Variants in SCARB1 observed in about 807,000 individuals in gnomAD.
The protein encoded by SCARB1 is scavenger receptor class B member 1.
A neutral mutation model predicts 57.2 loss-of-function variants in SCARB1; 30 were observed. The ratio of observed to expected loss-of-function variants is 0.52; its 90% CI spans 0.39 to 0.71. The LOEUF (loss-of-function observed/expected upper bound fraction) is 0.71. Among genes scored for constraint, SCARB1 ranks in the 30% least tolerant of loss-of-function variants. SCARB1 has a pLI of 0.00. For missense variants in SCARB1, 543 were observed against 671.2 expected (o/e 0.81, Z 2.11); for synonymous variants, 249 against 268.3 (o/e 0.93, Z 0.70).
chr12:124,825,530 G>C (rs1333246048), intron 1 of SCARB1, among the ~76,000 whole-genome samples: 1 of 151,916 alleles, frequency 6.6e-6, no homozygotes, highest in African/African-American at 2.4e-5. Context: ...AATTACCCAA[G>C]CACGGTGACA....
rs933118092 is a variant in SCARB1 at position 124,822,974 on chromosome 12, T to A, written c.127-5267A>T. 5.3e-5 allele frequency among the ~76,000 whole-genome samples: 8 copies of A among 152,134 alleles called. No homozygotes were observed. Among genetic ancestry groups the A allele is most frequent in the African/African-American group, 7.2e-5 (3 of 41,428 alleles). On this transcript the variant is annotated intron_variant, in intron 1 of 12. Coordinates refer to ENST00000261693, the MANE Select transcript of SCARB1 (RefSeq NM_005505.5). The surrounding 1 kb of genome is among the most constrained non-coding windows in gnomAD (Gnocchi z 5.0). ...CCAGAATATTTTAAGTAAAAAAAAA[T>A]TTAAAAATGAATACTATTACTACCT...
rs1950611291 is a variant in SCARB1 at position 124,814,145 on chromosome 12, T to C, written c.630+57A>G. 2 of 1,508,266 alleles carry C rather than the reference T, an allele frequency of 1.3e-6. No homozygotes were observed. The highest frequency in any genetic ancestry group is 1.8e-4 in the Middle Eastern group (1 of 5,474). 93.4% of individuals were successfully genotyped at this position (1,508,266 alleles called of 1,614,324 possible). A position where few individuals can be genotyped will look rare whatever the true frequency, so the allele number is the denominator to read the frequency against. ...GCTGGTGACCAGTGTCCAGGCTGTG[T>C]GAGGGGAAGACAGGACACAGGCCTG... On this transcript the variant is annotated intron_variant, in intron 4 of 12. Transcript: ENST00000261693. This position sits in a 1 kb window ranked among gnomAD's most constrained non-coding sequence, Gnocchi z 4.7.
chr12:124,830,888 C>T (rs1260283175), intron 1 of SCARB1, among the ~76,000 whole-genome samples: 1 of 150,560 alleles, frequency 6.6e-6, no homozygotes, highest in African/African-American at 2.4e-5. Flanking sequence ...TCTCAGCTCA[C>T]TGCAACCTCC....
At chr12:124,813,692 G>A (rs186742142) in intron 4 of SCARB1, among the ~76,000 whole-genome samples, 23 of 152,194 alleles carry the variant, frequency 1.5e-4, no homozygotes, top group Admixed American at 9.2e-4. Context: ...GCAGCACCAC[G>A]ATATCCCCCC....
chr12:124,832,940 T>C (rs934425652), intron 1 of SCARB1, among the ~76,000 whole-genome samples: 1 of 152,136 alleles, frequency 6.6e-6, no homozygotes, highest in Admixed American at 6.5e-5. Flanking sequence ...GGACTGCCCC[T>C]GAGATGGGAT....
intron 1 of SCARB1, among the ~76,000 whole-genome samples, chr12:124,834,411 G>A (rs184773698): frequency 4.6e-5 from 7 of 152,382 alleles, no homozygotes; most frequent in Admixed American, 2.0e-4. Flanking sequence ...AGGGGCTGAG[G>A]GTCCGGGCAG....
chr12:124,790,624 C>G (rs974456629), intron 9 of SCARB1, among the ~76,000 whole-genome samples: 3 of 152,194 alleles, frequency 2.0e-5, no homozygotes, highest in Non-Finnish European at 4.4e-5. Flanking sequence ...ATTGTGACAG[C>G]AGCAAAAGGA....
At chr12:124,794,761 T>A (rs972211522) in intron 9 of SCARB1, among the ~76,000 whole-genome samples, 2 of 152,046 alleles carry the variant, frequency 1.3e-5, no homozygotes, top group African/African-American at 4.8e-5. Context: ...TGAAACCCCA[T>A]CTCTACTAAA....
Position 124,847,328 on chromosome 12 carries a change from C to T in SCARB1, c.126+16267G>A, listed in dbSNP as rs966010089. ...AGGGATCCTGGCTGCAATGGGCTCT[C>T]GGCCAAGTAAGGCCAGTTTGACCTC... On this transcript the variant is annotated intron_variant, in intron 1 of 12. Coordinates refer to ENST00000261693, the MANE Select transcript of SCARB1 (RefSeq NM_005505.5). Among the ~76,000 whole-genome samples, 13 of 152,340 alleles carry T rather than the reference C, an allele frequency of 8.5e-5. No individual in the cohort carries two copies. The East Asian group carries it at 2.3e-3, about 27-fold the overall frequency.
chr12:124,848,835 G>A (rs956731742), intron 1 of SCARB1, among the ~76,000 whole-genome samples: 4 of 152,218 alleles, frequency 2.6e-5, no homozygotes, highest in Admixed American at 6.5e-5. Context: ...CGATGACAGC[G>A]TGAGAAACCC....
In SCARB1 at chr12:124,858,802, C is replaced by T. The variant is rs1018182076; in HGVS notation, c.126+4793G>A. ...GCTGAGGCAGGAGAATGGCGTGAAC[C>T]CGGAAGGTGGAGCTTGCAGTGAGCC... is the stretch of plus-strand genomic sequence containing the variant. On this transcript the variant is annotated intron_variant, in intron 1 of 12. Transcript: ENST00000261693. Among the ~76,000 whole-genome samples the T allele has an allele frequency of 7.9e-5, 12 of 151,876 alleles. No individual in the cohort carries two copies. In the East Asian group the frequency reaches 2.3e-3, roughly 29 times the overall value.
chr12:124,795,985 T>TC (rs1262890574), intron 8 of SCARB1, among the ~76,000 whole-genome samples: 1 of 152,228 alleles, frequency 6.6e-6, no homozygotes, highest in Non-Finnish European at 1.5e-5. Context: ...TATTTTTATT[T>TC]CTTTTTGAGA....
chr12:124,824,737 A>G (rs1481267109), intron 1 of SCARB1, among the ~76,000 whole-genome samples: 1 of 152,156 alleles, frequency 6.6e-6, no homozygotes, highest in Non-Finnish European at 1.5e-5. Flanking sequence ...GCAAAGCCCC[A>G]TGGTCTGTGG....
chr12:124,855,548 CA>C (rs1952591682), intron 1 of SCARB1, among the ~76,000 whole-genome samples: 1 of 152,218 alleles, frequency 6.6e-6, no homozygotes. Context: ...CATGTCCAAA[CA>C]GGGGGAGGGA....
Position 124,807,751 on chromosome 12 carries a change from C to A in SCARB1, c.1009+10G>T. ...CCTCCCGCCATCCCAGCACAGGGGA[C>A]GGCACGTACTGAACCTGCAGGTGCT... On this transcript the variant is annotated intron_variant, in intron 7 of 12. Transcript: ENST00000261693. This position sits in a 1 kb window ranked among gnomAD's most constrained non-coding sequence, Gnocchi z 5.3. 2 of 1,613,736 alleles carry A rather than the reference C, an allele frequency of 1.2e-6. No homozygotes were observed. The highest frequency in any genetic ancestry group is 1.3e-5 in the African/African-American group (1 of 75,002).
intron 1 of SCARB1, among the ~76,000 whole-genome samples, chr12:124,845,151 A>C (rs1317242970): frequency 6.6e-6 from 1 of 152,076 alleles, no homozygotes. Context: ...AGACCACTGA[A>C]AGCAGAAGCC....
At chr12:124,815,437 A>G (rs7305310) in intron 2 of SCARB1, among the ~76,000 whole-genome samples, 148,945 of 152,342 alleles carry the variant, frequency 0.98, 72,861 homozygotes, top group Non-Finnish European at 1. Context: ...TCAGATACCC[A>G]GAAAGCAATC....
intron 11 of SCARB1, chr12:124,783,074 G>A (rs375622556): frequency 4.2e-4 from 194 of 458,616 alleles, no homozygotes; most frequent in Middle Eastern, 3.2e-3. Flanking sequence ...TTAAGCCAGC[G>A]AGGAAGCAAG....
chr12:124,809,981 G>A (rs932822063), intron 6 of SCARB1, among the ~76,000 whole-genome samples, 193 bp downstream of exon 6: 2 of 152,222 alleles, frequency 1.3e-5, no homozygotes, highest in Non-Finnish European at 2.9e-5. Context: ...GCCTCTCTTT[G>A]GGCTGTGTAG....
Sources: allele counts gnomAD v4.1 joint callset (sites outside exome capture counted in the v4.1 genomes callset), GRCh38; gene constraint gnomAD v4.1.1; non-coding constraint Gnocchi (gnomAD v3.1); transcripts MANE v1.5; gene names NCBI Gene and HGNC (gene_info 2026-07-23, HGNC 2026-07-21).